PRKG1: variants seen among roughly 807,000 people sequenced by gnomAD.
PRKG1 encodes the protein protein kinase cGMP-dependent 1, also known as cGMP-dependent protein kinase 1.
A neutral mutation model predicts 88.1 loss-of-function variants in PRKG1; 35 were observed. The ratio of observed to expected loss-of-function variants is 0.40; its 90% confidence interval spans 0.30 to 0.53. PRKG1 has a LOEUF of 0.53. Among genes scored for constraint, PRKG1 ranks in the 20% least tolerant of loss-of-function variants. PRKG1 has a pLI of 0.59. For synonymous variants in PRKG1, 303 were observed against 292.5 expected (o/e 1.04, Z -0.37); for missense variants, 540 against 839.8 (o/e 0.64, Z 4.41).
intron 2 of PRKG1, among the ~76,000 whole-genome samples, chr10:51,395,070 G>C (rs1279165321): frequency 1.3e-5 from 2 of 152,178 alleles, no homozygotes; most frequent in African/African-American, 4.8e-5. Flanking sequence ...ATTCTATCTA[G>C]GGATGTGGTC....
intron 7 of PRKG1, among the ~76,000 whole-genome samples, chr10:52,085,605 G>C (rs1254045405): frequency 1.3e-5 from 2 of 151,772 alleles, no homozygotes; most frequent in African/African-American, 2.4e-5. Context: ...TATATTTTCT[G>C]TCTCAACTTT....
In PRKG1 at chr10:51,937,559, A is replaced by G. The variant is rs140355002; in HGVS notation, c.762+29989A>G. 2.8e-3 allele frequency among the ~76,000 whole-genome samples: 423 copies of G among 152,178 alleles called. 5 individuals are homozygous for G. The highest frequency in any genetic ancestry group is 9.8e-3 in the African/African-American group (406 of 41,552). On this transcript the variant is annotated intron_variant, in intron 5 of 17. Coordinates refer to ENST00000373980, the MANE Select transcript of PRKG1 (RefSeq NM_006258.4). Reference sequence around the variant, plus strand: ...GAAATCAGATCCAAGAGTTGTACATACCATCTGTATTCAAAGATTCTCTGA... The same window carrying G: ...GAAATCAGATCCAAGAGTTGTACATGCCATCTGTATTCAAAGATTCTCTGA...
chr10:51,750,086 C>T (rs1207765063), intron 3 of PRKG1, among the ~76,000 whole-genome samples: 1 of 151,926 alleles, frequency 6.6e-6, no homozygotes, highest in Non-Finnish European at 1.5e-5. Context: ...CAGGCTCATG[C>T]CACCATGCCC....
chr10:52,191,210 G>C (rs1019395434), intron 9 of PRKG1, among the ~76,000 whole-genome samples: 1 of 152,144 alleles, frequency 6.6e-6, no homozygotes, highest in Non-Finnish European at 1.5e-5. Flanking sequence ...CTGGAGTGCA[G>C]TGTCCTGATC....
At chr10:51,938,346 T>C (rs561404530) in intron 5 of PRKG1, among the ~76,000 whole-genome samples, 113 of 152,180 alleles carry the variant, frequency 7.4e-4, no homozygotes, top group Non-Finnish European at 1.4e-3. Flanking sequence ...AAAGATAGTA[T>C]ATATAGGATT....
intron 3 of PRKG1, among the ~76,000 whole-genome samples, chr10:51,533,617 TAAAA>T (rs34738901): frequency 3.5e-5 from 5 of 142,854 alleles, no homozygotes; most frequent in African/African-American, 1.3e-4. Flanking sequence ...CTAAAAGCTT[TAAAA>T]AAAAAAAAAA....
chr10:51,519,658 C>T (rs770546082), intron 3 of PRKG1, among the ~76,000 whole-genome samples: 2 of 152,146 alleles, frequency 1.3e-5, no homozygotes, highest in Non-Finnish European at 2.9e-5. Flanking sequence ...CCTGAGGCAT[C>T]TCATTATATA....
At position 52,034,920 on chromosome 10, in the gene PRKG1, G is replaced by A. The variant is rs558459134; in HGVS notation, c.763-19564G>A. ...GGCCTGAATTCTGAGAAGGGAAAGTGGTAAAAGTATTGTCCAGTCCTTTTT... is the reference window on the plus strand; with the variant it reads ...GGCCTGAATTCTGAGAAGGGAAAGTAGTAAAAGTATTGTCCAGTCCTTTTT... On this transcript the variant is annotated intron_variant, in intron 5 of 17. Coordinates refer to ENST00000373980, the MANE Select transcript of PRKG1 (RefSeq NM_006258.4). Among the ~76,000 whole-genome samples the A allele has an allele frequency of 3.9e-3, 596 of 152,228 alleles. 4 individuals are homozygous for A. Among genetic ancestry groups the A allele is most frequent in the African/African-American group, 0.014 (567 of 41,524 alleles).
At position 51,579,779 on chromosome 10, in the gene PRKG1, A is replaced by C. The variant is rs1192575401; in HGVS notation, c.592+111943A>C. 2.0e-5 allele frequency among the ~76,000 whole-genome samples: 3 copies of C among 152,066 alleles called. No individual in the cohort carries two copies. In the South Asian group the frequency reaches 6.2e-4, roughly 31 times the overall value. ...ATATTTGTGTCAATAAAGTTCTCCT[A>C]TGACTATTAGCACTTACAGATTTTA... On this transcript the variant is annotated intron_variant, in intron 3 of 17. Transcript: ENST00000373980.
intron 4 of PRKG1, among the ~76,000 whole-genome samples, chr10:51,834,770 AAAG>A (rs1327440138): frequency 6.6e-6 from 1 of 151,974 alleles, no homozygotes; most frequent in Non-Finnish European, 1.5e-5. Flanking sequence ...AGAAAAGAAA[AAAG>A]AAAAGAAAAG....
intron 5 of PRKG1, among the ~76,000 whole-genome samples, chr10:51,984,302 G>A (rs185749737): frequency 2.2e-4 from 33 of 152,312 alleles, no homozygotes; most frequent in African/African-American, 7.9e-4. Context: ...AGATTGGCCA[G>A]TGTTATTACT....
intron 5 of PRKG1, among the ~76,000 whole-genome samples, chr10:52,019,522 G>A (rs571139318): frequency 6.6e-6 from 1 of 152,154 alleles, no homozygotes; most frequent in East Asian, 1.9e-4. Context: ...GGGCACTCCA[G>A]GGCCTGTAGT....
intron 3 of PRKG1, among the ~76,000 whole-genome samples, chr10:51,727,166 C>T (rs1348192983): frequency 6.6e-6 from 1 of 151,630 alleles, no homozygotes; most frequent in Non-Finnish European, 1.5e-5. Flanking sequence ...TTAAGCTAGG[C>T]ATGATGACAC....
intron 2 of PRKG1, among the ~76,000 whole-genome samples, chr10:51,400,186 A>G (rs1399780660): frequency 6.6e-6 from 1 of 152,236 alleles, no homozygotes; most frequent in Non-Finnish European, 1.5e-5. Flanking sequence ...ATTAAGACAG[A>G]CAACGTATTT....
chr10:51,281,168 A>G (rs964489258), intron 2 of PRKG1, among the ~76,000 whole-genome samples: 1 of 152,206 alleles, frequency 6.6e-6, no homozygotes, highest in Non-Finnish European at 1.5e-5. Context: ...CAGAGGCTGC[A>G]GAACAGCGGA....
At chr10:52,059,564 T>C (rs1444397623) in intron 6 of PRKG1, among the ~76,000 whole-genome samples, 3 of 151,960 alleles carry the variant, frequency 2.0e-5, no homozygotes, top group African/African-American at 7.2e-5. Context: ...ATTTCATTTA[T>C]ATGGCATTCT....
At position 51,627,992 on chromosome 10, in the gene PRKG1, C is replaced by CT. The variant is rs1166434553; in HGVS notation, c.592+160157dup. ...TTTCTCTTTCTTTCTTTCTTTCTTT[C>CT]TCTCTCTCTCTCTCTCTCTTTCTTT... On this transcript the variant is annotated intron_variant, in intron 3 of 17. Transcript: ENST00000373980. 1.0e-4 allele frequency among the ~76,000 whole-genome samples: 3 copies of CT among 29,652 alleles called. No individual in the cohort carries two copies. The Admixed American group carries it at 1.2e-3, about 12-fold the overall frequency. The allele number at this position is 29,652 out of a possible 152,430, so 19.5% of individuals were successfully genotyped here.
At chr10:52,104,015 A>G (rs1847357650) in intron 7 of PRKG1, among the ~76,000 whole-genome samples, 2 of 147,714 alleles carry the variant, frequency 1.4e-5, no homozygotes, top group Admixed American at 6.8e-5. Flanking sequence ...TATAATATAT[A>G]TATATATATA....
At chr10:51,913,628 C>T (rs1036401393) in intron 5 of PRKG1, among the ~76,000 whole-genome samples, 1 of 152,080 alleles carries the variant, frequency 6.6e-6, no homozygotes, top group Admixed American at 6.6e-5. Flanking sequence ...AAAATCTGTC[C>T]AGACCAAACA....
Sources: gnomAD v4.1 joint callset for allele counts (sites outside exome capture counted in the v4.1 genomes callset) on GRCh38, gnomAD v4.1.1 for gene constraint, MANE v1.5 for transcripts, NCBI Gene and HGNC (gene_info 2026-07-23, HGNC 2026-07-21) for gene names.